Variants in RAB6B observed in about 807,000 individuals in gnomAD.
The protein encoded by RAB6B is RAB6B, member RAS oncogene family, also known as ras-related protein Rab-6B.
Under a neutral mutation model 31.2 loss-of-function variants are expected in RAB6B, and 7 were observed. The ratio of observed to expected loss-of-function variants is 0.22; its 90% confidence interval spans 0.13 to 0.42. The LOEUF (loss-of-function observed/expected upper bound fraction) is 0.42. RAB6B is among the 10% of genes least tolerant of loss of function. The pLI is 1.00. For missense variants in RAB6B, 149 were observed against 280.6 expected (o/e 0.53, Z 3.35); for synonymous variants, 105 against 104.9 (o/e 1.00, Z -0.01).
chr3:133,852,948 T>C (rs1221677627), intron 2 of RAB6B, among the ~76,000 whole-genome samples: 1 of 152,222 alleles, frequency 6.6e-6, no homozygotes, highest in African/African-American at 2.4e-5. Flanking sequence ...CAAAGGTAAA[T>C]GCTGAGCTCC....
At chr3:133,880,717 C>T (rs1334819998) in intron 1 of RAB6B, among the ~76,000 whole-genome samples, 1 of 150,940 alleles carries the variant, frequency 6.6e-6, no homozygotes, top group African/African-American at 2.4e-5. Flanking sequence ...AACTTTTCTA[C>T]TTTGCCAAGG....
rs376078923 is a variant in RAB6B, at chr3:133,834,621, C to A, written c.516G>T (p.Ser172=). ...NVKQLFRRVA[S]ALPGMENVQE... ...GGACATTCTCCATTCCGGGTAGAGC[C>A]GACGCCACACGTCGAAAAAGCTGGA... Residue 172 remains serine (S), a synonymous_variant, in exon 7 of 8, where the codon TCG becomes TCT. Transcript: ENST00000285208. 6.2e-7 allele frequency: 1 copy of A among 1,614,126 alleles called. No homozygotes were observed. The highest frequency in any genetic ancestry group is 1.3e-5 in the African/African-American group (1 of 75,040).
Position 133,825,715 on chromosome 3 carries a change from G to C in RAB6B, c.*3073C>G, listed in dbSNP as rs764049703. On this transcript the variant is annotated 3_prime_UTR_variant, in exon 8 of 8. Transcript: ENST00000285208. ...AACTTTCCTGATGCCTGCAGAACAG[G>C]AGCTTTGTTGATAAGCTTTTAAGAT... 6.6e-6 allele frequency: 1 copy of C among 152,184 alleles called. No individual in the cohort carries two copies. Among genetic ancestry groups the C allele is most frequent in the Admixed American group, 6.5e-5 (1 of 15,276 alleles). The allele number at this position is 152,184 out of a possible 1,614,324, so 9.4% of individuals were successfully genotyped here. A position where few individuals can be genotyped will look rare whatever the true frequency, so the allele number is the denominator to read the frequency against.
intron 1 of RAB6B, among the ~76,000 whole-genome samples, chr3:133,872,192 T>G (rs935299210): frequency 2.0e-5 from 3 of 152,222 alleles, no homozygotes; most frequent in Admixed American, 6.5e-5. Flanking sequence ...GCAAGTCTGC[T>G]TCCTCATTGT....
chr3:133,885,990 T>C (rs72978320), intron 1 of RAB6B, among the ~76,000 whole-genome samples: 4,874 of 152,216 alleles, frequency 0.032, 245 homozygotes, highest in African/African-American at 0.11. Flanking sequence ...AGCATGTCCC[T>C]CTGGGTCAAA....
chr3:133,883,187 G>C (rs932660944), intron 1 of RAB6B, among the ~76,000 whole-genome samples: 9 of 152,166 alleles, frequency 5.9e-5, no homozygotes, highest in Non-Finnish European at 1.2e-4. Context: ...ACAGCCTTGG[G>C]GAGGAAGAGA....
chr3:133,889,397 T>C (rs1401094413), intron 1 of RAB6B, among the ~76,000 whole-genome samples: 15 of 14,884 alleles, frequency 1.0e-3, no homozygotes, highest in Admixed American at 1.8e-3. Context: ...GTTATATATA[T>C]ATATATATAT....
At chr3:133,875,900 C>T (rs529058089) in intron 1 of RAB6B, among the ~76,000 whole-genome samples, 112 of 152,310 alleles carry the variant, frequency 7.4e-4, no homozygotes, top group Non-Finnish European at 1.3e-3. Flanking sequence ...GAGAACCGAA[C>T]GCACTCGTGT....
At chr3:133,849,334 A>G (rs1935946992) in intron 2 of RAB6B, among the ~76,000 whole-genome samples, 1 of 152,202 alleles carries the variant, frequency 6.6e-6, no homozygotes, top group South Asian at 2.1e-4. Context: ...AGTTTGTTAA[A>G]CATGTTGATT....
chr3:133,862,130 GAAAA>G (rs5852768), intron 2 of RAB6B, among the ~76,000 whole-genome samples: 1 of 145,068 alleles, frequency 6.9e-6, no homozygotes, highest in Non-Finnish European at 1.5e-5. Flanking sequence ...CTGCAATATT[GAAAA>G]AAAAAAAAAG....
Position 133,846,849 on chromosome 3 carries a change from A to G in RAB6B, c.130-5186T>C, listed in dbSNP as rs144959745. ...AAAAACCCTGTCAGCCTAGAATTCT[A>G]TAGCTGGTGAAAATTTTCTTCAAAA... On this transcript the variant is annotated intron_variant, in intron 2 of 7. Coordinates refer to ENST00000285208, the MANE Select transcript of RAB6B (RefSeq NM_016577.4). 2.4e-4 allele frequency among the ~76,000 whole-genome samples: 36 copies of G among 152,372 alleles called. No homozygotes were observed. In the East Asian group the frequency reaches 6.5e-3, roughly 28 times the overall value.
chr3:133,868,476 C>T (rs1936271718), intron 1 of RAB6B, among the ~76,000 whole-genome samples: 1 of 152,254 alleles, frequency 6.6e-6, no homozygotes, highest in Non-Finnish European at 1.5e-5. Context: ...GAGCTGTCCT[C>T]CTGCCAGCTC....
chr3:133,833,025 C>T (rs2107986301), intron 7 of RAB6B, among the ~76,000 whole-genome samples: 1 of 152,330 alleles, frequency 6.6e-6, no homozygotes, highest in African/African-American at 2.4e-5. Flanking sequence ...TGTGCCACAC[C>T]TTGGGAGCTG....
intron 1 of RAB6B, 42 bp downstream of exon 1, chr3:133,895,355 G>A (rs758717056): frequency 4.4e-6 from 7 of 1,595,710 alleles, no homozygotes; most frequent in African/African-American, 1.3e-5. Flanking sequence ...GGCGGCGGGG[G>A]TCGACTCGGC....
chr3:133,867,173 C>T (rs1232392829), intron 1 of RAB6B, among the ~76,000 whole-genome samples: 3 of 152,242 alleles, frequency 2.0e-5, no homozygotes, highest in Admixed American at 6.5e-5. Flanking sequence ...AGGAAAACAT[C>T]CCCTGAAAGT....
At chr3:133,871,106 C>T (rs1421267947) in intron 1 of RAB6B, among the ~76,000 whole-genome samples, 1 of 152,258 alleles carries the variant, frequency 6.6e-6, no homozygotes, top group African/African-American at 2.4e-5. Context: ...AGTGAGGCTT[C>T]TCCAGCCACT....
Position 133,826,393 on chromosome 3 carries a change from T to C in RAB6B, c.*2395A>G, listed in dbSNP as rs1935563377. The stretch of plus-strand genomic sequence containing the variant: ...ACTGAGTTTCTACTGTTTTATGGGA[T>C]GTTTTTTTAAAAAAGCTAATCTTTA... On this transcript the variant is annotated 3_prime_UTR_variant, in exon 8 of 8. Coordinates refer to ENST00000285208, the MANE Select transcript of RAB6B (RefSeq NM_016577.4). 1 of 152,254 alleles carries C rather than the reference T, an allele frequency of 6.6e-6. No individual in the cohort carries two copies. The highest frequency in any genetic ancestry group is 6.5e-5 in the Admixed American group (1 of 15,284). 9.4% of individuals were successfully genotyped at this position (152,254 alleles called of 1,614,324 possible).
Position 133,834,434 on chromosome 3 carries a change from AGAG to A in RAB6B, c.562+138_562+140del. ...CATAGGGTTCAGCTGCATCCCGCCT[AGAG>A]GAGGCCCCGTGCCATTCGCGGCAGA... On this transcript the variant is annotated intron_variant, in intron 7 of 7. Coordinates refer to ENST00000285208, the MANE Select transcript of RAB6B (RefSeq NM_016577.4). 1.0e-5 allele frequency: 9 copies of A among 864,216 alleles called. 1 individual carries two copies. The South Asian group carries it at 1.3e-4, about 12-fold the overall frequency. The allele number at this position is 864,216 out of a possible 1,614,324, so 53.5% of individuals were successfully genotyped here.
chr3:133,850,955 G>A (rs1422498268), intron 2 of RAB6B, among the ~76,000 whole-genome samples: 1 of 151,136 alleles, frequency 6.6e-6, no homozygotes, highest in Non-Finnish European at 1.5e-5. Context: ...AGGGATGACG[G>A]CTGCCATACT....
Sources: gnomAD v4.1 joint callset for allele counts (sites outside exome capture counted in the v4.1 genomes callset) on GRCh38, gnomAD v4.1.1 for gene constraint, MANE v1.5 for transcripts, NCBI Gene and HGNC (gene_info 2026-07-23, HGNC 2026-07-21) for gene names.